Variants in HACL1 observed in about 807,000 individuals in gnomAD.
HACL1 encodes the protein 1600020H07Rik.
Under a neutral mutation model 74.2 loss-of-function variants are expected in HACL1, and 64 were observed. The observed-to-expected ratio is 0.86, with a 90% CI of 0.70 to 1.06. HACL1 has a LOEUF of 1.06. Among genes scored for constraint, HACL1 ranks in the 50% least tolerant of loss-of-function variants. The pLI, the probability that HACL1 is intolerant of heterozygous loss-of-function variation, is 0.00. For missense variants in HACL1, 728 were observed against 719.7 expected, an observed-to-expected ratio of 1.01 and a Z score of -0.13; for synonymous variants, 230 against 238.8, an observed-to-expected ratio of 0.96 and a Z score of 0.34.
intron 7 of HACL1, among the ~76,000 whole-genome samples, chr3:15,583,566 G>C (rs532387897): frequency 5.9e-5 from 9 of 152,030 alleles, no homozygotes; most frequent in Non-Finnish European, 1.3e-4. Context: ...CAGATGGCAC[G>C]TGGCAGAGAC....
intron 15 of HACL1, among the ~76,000 whole-genome samples, chr3:15,563,748 GTGA>G (rs558115216): frequency 1.0e-3 from 153 of 152,288 alleles, no homozygotes; most frequent in African/African-American, 3.4e-3. Context: ...AGAACTTTCT[GTGA>G]TGATAGAAAT....
rs1440841007 is a variant in HACL1, at chr3:15,567,943, G to C, written c.1310C>G (p.Ala437Gly). The C allele has an allele frequency of 6.2e-7, 1 of 1,613,908 alleles. No individual in the cohort carries two copies. The highest frequency in any genetic ancestry group is 1.1e-5 in the South Asian group (1 of 91,078). ...GVGLGFAIAA[A>G]VVAKDRSPGQ... is the part of the protein sequence containing the mutation. Reference sequence around the variant, plus strand: ...AGGGCTTCTATCTTTAGCCACCACGGCAGCTGCAATAGCAAATCCCAAACC... The same window carrying C: ...AGGGCTTCTATCTTTAGCCACCACGCCAGCTGCAATAGCAAATCCCAAACC... The change falls in exon 14 of 17, where the codon GCC (alanine) becomes GGC (glycine). Residue 437 changes from alanine to glycine, a missense_variant. Coordinates refer to ENST00000321169, the MANE Select transcript of HACL1 (RefSeq NM_012260.4).
Position 15,589,533 on chromosome 3 carries a change from T to G in HACL1, c.381+7A>C, listed in dbSNP as rs759418425. 2 of 1,573,806 alleles carry G rather than the reference T, an allele frequency of 1.3e-6. No homozygotes were observed. The highest frequency in any genetic ancestry group is 1.7e-6 in the Non-Finnish European group (2 of 1,148,798). ...ATAAAAAAAACCAAAATCTTAAAGT[T>G]GGATACCTGAGGAAACTCCTGGAAA... is the stretch of plus-strand genomic sequence containing the variant. On this transcript the variant is annotated splice_region_variant and intron_variant, in intron 5 of 16. Transcript: ENST00000321169.
Position 15,601,417 on chromosome 3 carries a change from C to A in HACL1, c.47G>T (p.Gly16Val), listed in dbSNP as rs1198293253. ...FAERSEEQVS[G>V]AKVIAQALKT... ...CAGGGCCTGAGCGATGACTTTAGCA[C>A]CAGACACCTGCTCCTCGCTGCGCTC... The change falls in exon 1 of 17, where the codon GGT becomes GTT. Residue 16 changes from glycine to valine, a missense_variant. Gly to Val is a moderately radical substitution (Grantham distance 109, BLOSUM62 -3). Coordinates refer to ENST00000321169, the MANE Select transcript of HACL1 (RefSeq NM_012260.4). 2.5e-6 allele frequency: 4 copies of A among 1,614,054 alleles called. No homozygotes were observed. The highest frequency in any genetic ancestry group is 2.5e-6 in the Non-Finnish European group (3 of 1,180,048).
intron 5 of HACL1, among the ~76,000 whole-genome samples, chr3:15,588,190 G>A (rs532315016): frequency 9.9e-5 from 15 of 152,180 alleles, no homozygotes; most frequent in African/African-American, 2.6e-4. Flanking sequence ...CACCATGCCC[G>A]GCTGTCTAAT....
chr3:15,592,132 A>G lies in HACL1; in HGVS notation c.228-452T>C, dbSNP rs201233219. On this transcript the variant is annotated intron_variant, in intron 3 of 16. Coordinates refer to ENST00000321169, the MANE Select transcript of HACL1 (RefSeq NM_012260.4). The stretch of plus-strand genomic sequence containing the variant: ...ATATACACACTATATACGTATACAT[A>G]CGTGTATATATGTATACATACGTAT... Among the ~76,000 whole-genome samples the G allele has an allele frequency of 5.8e-3, 741 of 128,634 alleles. 34 individuals carry two copies. The highest frequency in any genetic ancestry group is 0.019 in the East Asian group (67 of 3,470). The allele number at this position is 128,634 out of a possible 152,430, so 84.4% of individuals were successfully genotyped here.
At chr3:15,582,088 T>TA (rs1491370718) in intron 8 of HACL1, among the ~76,000 whole-genome samples, 1 of 152,344 alleles carries the variant, frequency 6.6e-6, no homozygotes, top group African/African-American at 2.4e-5. Context: ...AAACTATTTT[T>TA]AGTTTCTACA....
At chr3:15,599,408 T>C (rs941534371) in intron 2 of HACL1, among the ~76,000 whole-genome samples, 6 of 152,188 alleles carry the variant, frequency 3.9e-5, no homozygotes, top group African/African-American at 1.4e-4. Flanking sequence ...CTGGGATTAC[T>C]GGCATGTACA....
Position 15,573,213 on chromosome 3 carries a change from AT to A in HACL1, c.938del (p.Asn313IlefsTer3). 1 of 1,608,572 alleles carries A rather than the reference AT, an allele frequency of 6.2e-7. No homozygotes were observed. On this transcript the variant is annotated frameshift_variant, in exon 11 of 17. Coordinates refer to ENST00000321169, the MANE Select transcript of HACL1 (RefSeq NM_012260.4). LOFTEE classifies it high-confidence loss of function. ...QVDICAEELGNNVKPAVTLLG... is the reference protein window; with the variant it reads ...QVDICAEELGXNVKPAVTLLG... Reference sequence around the variant, plus strand: ...GCAAAGTAACAGCGGGCTTTACATTATTCCCCAATTCTTCTGCACAGATATC... The same window carrying A: ...GCAAAGTAACAGCGGGCTTTACATTATCCCCAATTCTTCTGCACAGATATC...
rs564473073 is a variant in HACL1 at position 15,596,494 on chromosome 3, T to C, written c.187-70A>G. ...TAGTACATTTATGACAGCAACTTAC[T>C]ATTAAATAATAGACAAGAACATAGT... On this transcript the variant is annotated intron_variant, in intron 2 of 16. Coordinates refer to ENST00000321169, the MANE Select transcript of HACL1 (RefSeq NM_012260.4). 5.2e-4 allele frequency: 446 copies of C among 859,356 alleles called. 7 individuals carry two copies. The South Asian group carries it at 6.0e-3, about 12-fold the overall frequency. 53.2% of individuals were successfully genotyped at this position (859,356 alleles called of 1,614,324 possible).
chr3:15,581,877 G>A (rs1324660446), intron 8 of HACL1, among the ~76,000 whole-genome samples: 1 of 152,162 alleles, frequency 6.6e-6, no homozygotes, highest in East Asian at 1.9e-4. Flanking sequence ...TTTGTTAAAA[G>A]AAGAATGAAA....
At chr3:15,567,271 T>C (rs543758878) in intron 14 of HACL1, among the ~76,000 whole-genome samples, 4 of 140,336 alleles carry the variant, frequency 2.9e-5, no homozygotes, top group South Asian at 2.4e-4. Context: ...AGTGCAGTGG[T>C]GCGATTTCAG....
chr3:15,601,195 C>T lies in HACL1; in HGVS notation c.82-1G>A. On this transcript the variant is annotated splice_acceptor_variant, in intron 1 of 16. Transcript: ENST00000321169. LOFTEE classifies it high-confidence loss of function. ...CGATGCCAAATATGTACTCCACATC[C>T]TGAGGAACGAAGAACAGGGGAGTAA... 2 of 1,608,108 alleles carry T rather than the reference C, an allele frequency of 1.2e-6. No individual in the cohort carries two copies. Among genetic ancestry groups the T allele is most frequent in the Non-Finnish European group, 1.7e-6 (2 of 1,174,492 alleles).
chr3:15,599,325 G>A (rs1357691360), intron 2 of HACL1, among the ~76,000 whole-genome samples: 1 of 152,182 alleles, frequency 6.6e-6, no homozygotes, highest in African/African-American at 2.4e-5. Context: ...AGAGACAGAG[G>A]TCGTGCTATG....
chr3:15,601,550 A>C lies in HACL1; in HGVS notation c.-87T>G, dbSNP rs767274435. ...GCAAACGCGAAATCGGCAGCACGCC[A>C]CCTCTGGTACTGCACCTCTGACGGA... On this transcript the variant is annotated 5_prime_UTR_variant, in exon 1 of 17. Coordinates refer to ENST00000321169, the MANE Select transcript of HACL1 (RefSeq NM_012260.4). The C allele has an allele frequency of 1.2e-5, 19 of 1,604,256 alleles. No homozygotes were observed. The highest frequency in any genetic ancestry group is 2.2e-5 in the East Asian group (1 of 44,852).
intron 3 of HACL1, among the ~76,000 whole-genome samples, chr3:15,593,347 G>T (rs575297776): frequency 1.6e-4 from 25 of 151,866 alleles, no homozygotes; most frequent in African/African-American, 5.8e-4. Flanking sequence ...CCAAGTAACC[G>T]GGACTACAGG....
At chr3:15,573,298 G>C in intron 10 of HACL1, 56 bp from the exon 11 acceptor site, 1 of 982,424 alleles carries the variant, frequency 1.0e-6, no homozygotes, top group Non-Finnish European at 1.6e-6. Flanking sequence ...AAATATGTAA[G>C]AAGGCAATTA....
chr3:15,562,453 G>C lies in HACL1; in HGVS notation c.1704+905C>G, dbSNP rs2125220592. On this transcript the variant is annotated intron_variant, in intron 16 of 16. Coordinates refer to ENST00000321169, the MANE Select transcript of HACL1 (RefSeq NM_012260.4). ...TTTCAATAGAATTCTATATATTTTA[G>C]TGTCTAAATTAGTTAATTTATATTT... Among the ~76,000 whole-genome samples, 3 of 152,250 alleles carry C rather than the reference G, an allele frequency of 2.0e-5. No individual in the cohort carries two copies. The South Asian group carries it at 6.2e-4, about 32-fold the overall frequency.
chr3:15,579,766 C>T, intron 9 of HACL1, 144 bp downstream of exon 9: 2 of 617,696 alleles, frequency 3.2e-6, no homozygotes, highest in Non-Finnish European at 5.6e-6. Flanking sequence ...GAAATGAAAG[C>T]CAGAAGATAG....
Sources: allele counts gnomAD v4.1 joint callset (sites outside exome capture counted in the v4.1 genomes callset), GRCh38; gene constraint gnomAD v4.1.1; transcripts MANE v1.5; gene names NCBI Gene and HGNC (gene_info 2026-07-23, HGNC 2026-07-21).